Variants in PATJ observed in about 807,000 individuals in gnomAD.
PATJ encodes PATJ crumbs cell polarity complex component.
A neutral mutation model predicts 224.9 loss-of-function variants in PATJ; 190 were observed. The observed-to-expected ratio is 0.84, with a 90% CI of 0.75 to 0.95. The LOEUF is 0.95. Ranked by LOEUF, PATJ falls within the 40% of genes least tolerant of loss-of-function variation. The probability of loss-of-function intolerance (pLI) is 0.00; values close to 1 mark genes in which losing one functional copy is unlikely to be tolerated. For missense variants in PATJ, 2,121 were observed against 2,270.3 expected (o/e 0.93, Z 1.34); for synonymous variants, 769 against 820.3 (o/e 0.94, Z 1.07).
chr1:61,861,632 G>A lies in PATJ; in HGVS notation c.2404G>A (p.Asp802Asn), dbSNP rs116544267. ...DKTEFSGTIH[D>N]INSSLILEAP... Reference sequence around the variant, plus strand: ...GACTGAATTTTCAGGAACAATTCATGATATAAATTCATCTTTAATACTCGA... The same window carrying A: ...GACTGAATTTTCAGGAACAATTCATAATATAAATTCATCTTTAATACTCGA... Residue 802 changes from aspartate to asparagine, a missense_variant, in exon 19 of 44, where the codon GAT becomes AAT. Coordinates refer to ENST00000642238, the MANE Select transcript of PATJ (RefSeq NM_001350145.3). 3.4e-6 allele frequency: 5 copies of A among 1,471,352 alleles called. No homozygotes were observed. The African/African-American group carries it at 7.3e-5, about 22-fold the overall frequency. The allele number at this position is 1,471,352 out of a possible 1,614,324, so 91.1% of individuals were successfully genotyped here.
At chr1:62,013,443 C>T in intron 28 of PATJ, 1 of 985,288 alleles carries the variant, frequency 1.0e-6, no homozygotes, top group Non-Finnish European at 1.2e-6. Flanking sequence ...TCATTGAGGG[C>T]CACTATGCAC....
chr1:61,815,359 A>C (rs1027883134), intron 14 of PATJ, among the ~76,000 whole-genome samples: 6 of 152,206 alleles, frequency 3.9e-5, no homozygotes, highest in East Asian at 1.9e-4. Flanking sequence ...CCACTGTGAT[A>C]TGTATGGACT....
At chr1:62,144,777 A>AAATATATATATATATATATATATATATAT (rs377489788) in intron 41 of PATJ, among the ~76,000 whole-genome samples, 32 of 119,078 alleles carry the variant, frequency 2.7e-4, no homozygotes, top group Non-Finnish European at 4.5e-4. Context: ...AAAAAAAAAA[A>AAATATATATATATATATATATATATATAT]ATATATATAT....
chr1:62,020,843 T>G (rs1647035994), intron 29 of PATJ, among the ~76,000 whole-genome samples: 1 of 152,220 alleles, frequency 6.6e-6, no homozygotes, highest in African/African-American at 2.4e-5. Context: ...TCATTTATTT[T>G]GAGACAGAGT....
intron 31 of PATJ, among the ~76,000 whole-genome samples, chr1:62,069,059 C>G (rs986562461): frequency 6.6e-6 from 1 of 152,168 alleles, no homozygotes; most frequent in African/African-American, 2.4e-5. Context: ...AAGGTCACTG[C>G]CGTGGCTACT....
At chr1:61,926,161 C>T (rs1166211198) in intron 26 of PATJ, among the ~76,000 whole-genome samples, 1 of 152,110 alleles carries the variant, frequency 6.6e-6, no homozygotes, top group Non-Finnish European at 1.5e-5. Flanking sequence ...CTGTTTTGTG[C>T]TCTACCCTGG....
chr1:62,149,895 A>G (rs551079783), intron 42 of PATJ, among the ~76,000 whole-genome samples: 1 of 152,120 alleles, frequency 6.6e-6, no homozygotes, highest in African/African-American at 2.4e-5. Flanking sequence ...AATAGAGGCA[A>G]ATTCCATCTG....
chr1:61,875,129 T>C, intron 20 of PATJ, 114 bp from the exon 21 acceptor site: 1 of 602,934 alleles, frequency 1.7e-6, no homozygotes. Context: ...TACTTGAGAA[T>C]GCCTGTTTGC....
chr1:61,765,903 G>A (rs1200367198), intron 3 of PATJ, among the ~76,000 whole-genome samples: 1 of 152,120 alleles, frequency 6.6e-6, no homozygotes, highest in Non-Finnish European at 1.5e-5. Flanking sequence ...TATACTACCT[G>A]TGGATCTTTT....
At chr1:62,077,233 C>T (rs1658449689) in intron 31 of PATJ, among the ~76,000 whole-genome samples, 1 of 152,190 alleles carries the variant, frequency 6.6e-6, no homozygotes, top group African/African-American at 2.4e-5. Context: ...CACCTACCTT[C>T]AATGAGGCTA....
intron 35 of PATJ, 113 bp downstream of exon 35, chr1:62,114,359 A>G (rs1266220640): frequency 1.0e-6 from 1 of 989,082 alleles, no homozygotes; most frequent in African/African-American, 1.6e-5. Context: ...TCTAAAAATA[A>G]GATATTTATG....
At chr1:61,973,176 G>A (rs369756506) in intron 27 of PATJ, among the ~76,000 whole-genome samples, 1 of 151,902 alleles carries the variant, frequency 6.6e-6, no homozygotes, top group East Asian at 1.9e-4. Context: ...CCCACTCTGG[G>A]CCAGAAACTC....
At chr1:61,933,362 A>G (rs956140009) in intron 27 of PATJ, among the ~76,000 whole-genome samples, 2 of 151,944 alleles carry the variant, frequency 1.3e-5, no homozygotes, top group African/African-American at 2.4e-5. Context: ...AACATGGTGA[A>G]ACCCCGTCTC....
intron 21 of PATJ, among the ~76,000 whole-genome samples, chr1:61,879,017 CTCA>C: frequency 6.6e-6 from 1 of 152,204 alleles, no homozygotes; most frequent in Non-Finnish European, 1.5e-5. Context: ...AACTCCTGAC[CTCA>C]TGATCCGCCC....
chr1:61,766,523 T>C (rs1646282065), intron 4 of PATJ, 50 bp downstream of exon 4: 1 of 1,348,218 alleles, frequency 7.4e-7, no homozygotes, highest in Admixed American at 2.3e-5. Flanking sequence ...TCTCCTGTTT[T>C]AGTTTTACAA....
intron 5 of PATJ, 114 bp from the exon 6 acceptor site, chr1:61,771,317 G>A: frequency 1.9e-6 from 1 of 532,616 alleles, no homozygotes; most frequent in Admixed American, 4.0e-5. Flanking sequence ...TAATTTATTT[G>A]ATAAATGTAC....
At chr1:62,154,379 G>A (rs1668946652) in intron 43 of PATJ, among the ~76,000 whole-genome samples, 1 of 151,874 alleles carries the variant, frequency 6.6e-6, no homozygotes, top group Non-Finnish European at 1.5e-5. Context: ...AGAAATAAAG[G>A]TCTTCGAGGC....
At chr1:61,898,135 T>G (rs1211737527) in intron 22 of PATJ, among the ~76,000 whole-genome samples, 1 of 152,186 alleles carries the variant, frequency 6.6e-6, no homozygotes, top group Non-Finnish European at 1.5e-5. Context: ...AAAACAGATT[T>G]GGATACATGA....
chr1:61,965,815 G>T (rs1682047384), intron 27 of PATJ, among the ~76,000 whole-genome samples: 1 of 152,220 alleles, frequency 6.6e-6, no homozygotes, highest in Non-Finnish European at 1.5e-5. Context: ...TACTAGGAGA[G>T]TTTGAGAGAG....
Sources: gnomAD v4.1 joint callset for allele counts (sites outside exome capture counted in the v4.1 genomes callset) on GRCh38, gnomAD v4.1.1 for gene constraint, MANE v1.5 for transcripts, NCBI Gene and HGNC (gene_info 2026-07-23, HGNC 2026-07-21) for gene names.